The following SEMA3C variants were observed in gnomAD, a reference collection of about 807,000 sequenced individuals.
SEMA3C encodes the protein semaphorin-3C.
In SEMA3C, 47 loss-of-function variants were observed where a neutral mutation model predicts 89.4. That is an observed-to-expected ratio of 0.53 (90% confidence interval 0.42 to 0.67). The LOEUF (loss-of-function observed/expected upper bound fraction) is 0.67. Among genes scored for constraint, SEMA3C ranks in the 30% least tolerant of loss-of-function variants. The pLI is 0.00. For synonymous variants in SEMA3C, 310 were observed against 320.2 expected (o/e 0.97, Z 0.34); for missense variants, 839 against 929.1 (o/e 0.90, Z 1.26).
chr7:80,761,739 C>T, intron 13 of SEMA3C, 82 bp from the exon 14 acceptor site: 1 of 764,412 alleles, frequency 1.3e-6, no homozygotes, highest in Non-Finnish European at 2.1e-6. Flanking sequence ...TCTATTAAAT[C>T]TCAAGAAGAA....
chr7:80,776,648 C>T (rs1390502454), intron 12 of SEMA3C, among the ~76,000 whole-genome samples: 2 of 152,130 alleles, frequency 1.3e-5, no homozygotes, highest in Non-Finnish European at 2.9e-5. Flanking sequence ...CTACAAATTC[C>T]AAATGAAAGA....
chr7:80,768,788 G>T (rs1015304428), intron 12 of SEMA3C, among the ~76,000 whole-genome samples: 22 of 103,314 alleles, frequency 2.1e-4, no homozygotes, highest in African/African-American at 8.8e-4. Flanking sequence ...GGCAAGATTT[G>T]TGTGTGTGTG....
rs1254598361 is a variant in SEMA3C at position 80,825,114 on chromosome 7, G to A, written c.327+2311C>T. Among the ~76,000 whole-genome samples the A allele has an allele frequency of 2.0e-5, 3 of 152,250 alleles. No individual in the cohort carries two copies. The East Asian group carries it at 5.8e-4, about 29-fold the overall frequency. ...TAAGTATGTCGTTTCATTGAGAAAT[G>A]TAAGAAGGATAGGTTGTTCTGTACA... On this transcript the variant is annotated intron_variant, in intron 4 of 17. Coordinates refer to ENST00000265361, the MANE Select transcript of SEMA3C (RefSeq NM_006379.5).
intron 2 of SEMA3C, among the ~76,000 whole-genome samples, chr7:80,911,190 G>T (rs532525993): frequency 7.2e-5 from 11 of 152,226 alleles, no homozygotes; most frequent in Non-Finnish European, 1.2e-4. Flanking sequence ...TAGTTAACAT[G>T]ATATGTTTAC....
Position 80,818,375 on chromosome 7 carries a change from C to T in SEMA3C, c.371G>A (p.Arg124His), listed in dbSNP as rs765250284. The T allele has an allele frequency of 1.1e-5, 17 of 1,613,140 alleles. No individual in the cohort carries two copies. Among genetic ancestry groups the T allele is most frequent in the African/African-American group, 2.7e-5 (2 of 75,034 alleles). ...ACTCCCACAGACATACAAATGTGTGCGATTGAAAGTCTGAATTACACGGAC... is the reference window on the plus strand; with the variant it reads ...ACTCCCACAGACATACAAATGTGTGTGATTGAAAGTCTGAATTACACGGAC... ...NFVRVIQTFN[R>H]THLYVCGSGA... The change falls in exon 5 of 18, where the codon CGC becomes CAC. Residue 124 changes from arginine to histidine, a missense_variant. Coordinates refer to ENST00000265361, the MANE Select transcript of SEMA3C (RefSeq NM_006379.5).
At chr7:80,903,330 T>C (rs1791929304) in intron 2 of SEMA3C, among the ~76,000 whole-genome samples, 1 of 152,042 alleles carries the variant, frequency 6.6e-6, no homozygotes, top group Non-Finnish European at 1.5e-5. Flanking sequence ...TCCAAACATA[T>C]CTAAACATAG....
At chr7:80,886,894 C>A (rs1317946270) in intron 2 of SEMA3C, among the ~76,000 whole-genome samples, 3 of 151,846 alleles carry the variant, frequency 2.0e-5, no homozygotes, top group Non-Finnish European at 2.9e-5. Flanking sequence ...AATAACAAGA[C>A]CAGTAAGAAA....
At chr7:80,901,880 T>C (rs1413587509) in intron 2 of SEMA3C, among the ~76,000 whole-genome samples, 1 of 152,232 alleles carries the variant, frequency 6.6e-6, no homozygotes, top group African/African-American at 2.4e-5. Flanking sequence ...AGACATTATA[T>C]TGATGCACTA....
intron 12 of SEMA3C, among the ~76,000 whole-genome samples, chr7:80,788,246 A>G (rs1248719129): frequency 6.6e-6 from 1 of 152,198 alleles, no homozygotes; most frequent in Non-Finnish European, 1.5e-5. Flanking sequence ...ACCTAATTTC[A>G]TAAAGTATTT....
chr7:80,867,191 A>G (rs1192690711), intron 2 of SEMA3C, among the ~76,000 whole-genome samples: 1 of 152,234 alleles, frequency 6.6e-6, no homozygotes, highest in Non-Finnish European at 1.5e-5. Context: ...ATCAAAACAT[A>G]CCTTTTTAAA....
At chr7:80,790,303 A>G (rs766344491) in intron 11 of SEMA3C, among the ~76,000 whole-genome samples, 61 of 152,090 alleles carry the variant, frequency 4.0e-4, no homozygotes, top group Middle Eastern at 3.4e-3. Flanking sequence ...AGGAAGAAGA[A>G]GAGAAAAAAG....
intron 4 of SEMA3C, among the ~76,000 whole-genome samples, chr7:80,822,244 C>T (rs1527481): frequency 0.22 from 33,507 of 151,618 alleles, 4,109 homozygotes; most frequent in East Asian, 0.36. Flanking sequence ...TTAAATGTAC[C>T]GTAGAAGGAA....
chr7:80,825,235 T>C (rs895224173), intron 4 of SEMA3C, among the ~76,000 whole-genome samples: 1 of 152,150 alleles, frequency 6.6e-6, no homozygotes, highest in African/African-American at 2.4e-5. Context: ...TTCACATGTA[T>C]GAAATGGGAT....
chr7:80,873,872 T>C (rs1791132977), intron 2 of SEMA3C, among the ~76,000 whole-genome samples: 1 of 152,164 alleles, frequency 6.6e-6, no homozygotes, highest in South Asian at 2.1e-4. Flanking sequence ...AGTTAGGATG[T>C]TCACTGTGCT....
intron 2 of SEMA3C, among the ~76,000 whole-genome samples, chr7:80,847,547 G>C (rs538104147): frequency 7.2e-5 from 11 of 152,242 alleles, no homozygotes; most frequent in African/African-American, 2.6e-4. Context: ...GCCAGCTACA[G>C]AGGAACATAC....
chr7:80,745,295 C>T lies in SEMA3C; in HGVS notation c.1855G>A (p.Glu619Lys), dbSNP rs777264886. 1 of 1,613,308 alleles carries T rather than the reference C, an allele frequency of 6.2e-7. No individual in the cohort carries two copies. Among genetic ancestry groups the T allele is most frequent in the Non-Finnish European group, 8.5e-7 (1 of 1,179,882 alleles). ...KDRRKEVKLN[E>K]RIIATSQGLL... ...CCCTGTGAAGTGGCTATTATTCGTT[C>T]ATTCAGCTTAACCTAAAAGAGAGAC... Residue 619 changes from glutamate to lysine, a missense_variant, in exon 18 of 18, where the codon GAA (glutamate) becomes AAA (lysine). Coordinates refer to ENST00000265361, the MANE Select transcript of SEMA3C (RefSeq NM_006379.5).
intron 2 of SEMA3C, among the ~76,000 whole-genome samples, chr7:80,864,171 T>C (rs1169155709): frequency 2.6e-5 from 4 of 151,902 alleles, no homozygotes; most frequent in African/African-American, 9.7e-5. Context: ...ATGCTGTTAG[T>C]GATATGTGGG....
At chr7:80,792,229 G>A (rs1044007998) in intron 11 of SEMA3C, among the ~76,000 whole-genome samples, 8 of 152,296 alleles carry the variant, frequency 5.3e-5, no homozygotes, top group Admixed American at 1.3e-4. Context: ...GCTGATGAAC[G>A]TGTTCCATAC....
rs61621477 is a variant in SEMA3C at position 80,863,339 on chromosome 7, TAAA to T, written c.104-34597_104-34595del. 1.6e-5 allele frequency among the ~76,000 whole-genome samples: 2 copies of T among 128,154 alleles called. 1 individual carries two copies. The highest frequency in any genetic ancestry group is 4.9e-4 in the South Asian group (2 of 4,070). The allele number at this position is 128,154 out of a possible 152,430, so 84.1% of individuals were successfully genotyped here. ...GCAAGAATGGCCATAATCAAAATATTAAAAAAAAAAAAAAACAGTAGATGTTGG... is the reference window on the plus strand; with the variant it reads ...GCAAGAATGGCCATAATCAAAATATTAAAAAAAAAAAACAGTAGATGTTGG... On this transcript the variant is annotated intron_variant, in intron 2 of 17. Transcript: ENST00000265361.
Sources: allele counts gnomAD v4.1 joint callset (sites outside exome capture counted in the v4.1 genomes callset), GRCh38; gene constraint gnomAD v4.1.1; transcripts MANE v1.5; gene names NCBI Gene and HGNC (gene_info 2026-07-23, HGNC 2026-07-21).